The following LRCH3 variants were observed in gnomAD, a reference collection of about 807,000 sequenced individuals.
LRCH3 encodes DISP complex protein LRCH3.
A neutral mutation model predicts 104.5 loss-of-function variants in LRCH3; 68 were observed. That is an observed-to-expected ratio of 0.65 (90% confidence interval 0.54 to 0.80). LRCH3 has a LOEUF of 0.80. LRCH3 is among the 30% of genes least tolerant of loss of function. The pLI, the probability that LRCH3 is intolerant of heterozygous loss-of-function variation, is 0.00. For synonymous variants in LRCH3, 344 were observed against 361.3 expected, an observed-to-expected ratio of 0.95 and a Z score of 0.54; for missense variants, 951 against 953.9, an observed-to-expected ratio of 1.00 and a Z score of 0.04.
chr3:197,881,511 T>G (rs1713771434), intron 20 of LRCH3: 1 of 985,328 alleles, frequency 1.0e-6, no homozygotes. Context: ...CTGTTTAAAT[T>G]TGGAATTTAT....
rs181749354 is a variant in LRCH3, at chr3:197,831,974, G to A, written c.982-223G>A. On this transcript the variant is annotated intron_variant, in intron 7 of 20. Coordinates refer to ENST00000425562, the MANE Select transcript of LRCH3 (RefSeq NM_001365715.1). ...TTGTCGCACAGGCTGGAGTGCAGTGGTGGAATCCTGTCTCATTGCAGCCTC... is the reference window on the plus strand; with the variant it reads ...TTGTCGCACAGGCTGGAGTGCAGTGATGGAATCCTGTCTCATTGCAGCCTC... 1.7e-3 allele frequency among the ~76,000 whole-genome samples: 255 copies of A among 152,170 alleles called. 1 individual carries two copies. In the Middle Eastern group the frequency reaches 0.024, roughly 14 times the overall value.
At position 197,880,942 on chromosome 3, in the gene LRCH3, G is replaced by A. The variant is rs375288905; in HGVS notation, c.2209-2599G>A. 5.0e-6 allele frequency: 7 copies of A among 1,392,954 alleles called. No individual in the cohort carries two copies. In the East Asian group the frequency reaches 1.3e-4, roughly 27 times the overall value. 86.3% of individuals were successfully genotyped at this position (1,392,954 alleles called of 1,614,324 possible). On this transcript the variant is annotated intron_variant, in intron 20 of 20. Coordinates refer to ENST00000425562, the MANE Select transcript of LRCH3 (RefSeq NM_001365715.1). ...GTAAAAGACCAGCATTTTTTCTCCT[G>A]GTCATCCGTCCATTCTCCTGGCCTG...
intron 1 of LRCH3, among the ~76,000 whole-genome samples, chr3:197,799,780 A>G (rs1038301711): frequency 1.1e-4 from 16 of 152,150 alleles, no homozygotes; most frequent in Admixed American, 1.0e-3. Context: ...AGGCTGAGGC[A>G]GGGGAATTGC....
chr3:197,860,955 T>A (rs971046406), intron 15 of LRCH3, among the ~76,000 whole-genome samples: 2 of 151,546 alleles, frequency 1.3e-5, no homozygotes, highest in Non-Finnish European at 2.9e-5. Flanking sequence ...TGTGCTTTTT[T>A]AAATGCTGAC....
At chr3:197,811,804 GTT>G (rs907758597) in intron 1 of LRCH3, among the ~76,000 whole-genome samples, 1 of 152,164 alleles carries the variant, frequency 6.6e-6, no homozygotes, top group African/African-American at 2.4e-5. Context: ...GCCAGTCTCT[GTT>G]ACACAGTTGT....
chr3:197,812,561 G>A (rs796779440), intron 1 of LRCH3, among the ~76,000 whole-genome samples: 7 of 120,780 alleles, frequency 5.8e-5, no homozygotes, highest in African/African-American at 2.2e-4. Context: ...GCCCAAGCTG[G>A]AGTGTAGTGG....
At chr3:197,860,532 C>T (rs956887386) in intron 15 of LRCH3, among the ~76,000 whole-genome samples, 7 of 152,046 alleles carry the variant, frequency 4.6e-5, no homozygotes, top group Middle Eastern at 3.2e-3. Context: ...CACCACTGTA[C>T]CCCAGCCTGG....
rs1733815168 is a variant in LRCH3, at chr3:197,816,475, T to TA, written c.408-701_408-700insA. 2.0e-5 allele frequency among the ~76,000 whole-genome samples: 3 copies of TA among 152,214 alleles called. No individual in the cohort carries two copies. In the South Asian group the frequency reaches 6.2e-4, roughly 31 times the overall value. Reference sequence around the variant, plus strand: ...TTGTATTTTTAGTAGAGACGGGGTTTCGCCATGTTGGCCAGGCTGGTCTCG... The same window carrying TA: ...TTGTATTTTTAGTAGAGACGGGGTTTACGCCATGTTGGCCAGGCTGGTCTCG... On this transcript the variant is annotated intron_variant, in intron 2 of 20. Transcript: ENST00000425562.
At chr3:197,870,544 T>G (rs1277548484) in intron 18 of LRCH3, among the ~76,000 whole-genome samples, 2 of 152,104 alleles carry the variant, frequency 1.3e-5, no homozygotes, top group African/African-American at 4.8e-5. Flanking sequence ...TTTTGTATTT[T>G]TAGTAGAGAA....
Position 197,866,982 on chromosome 3 carries a change from A to C in LRCH3, c.1873+763A>C, listed in dbSNP as rs550810153. Among the ~76,000 whole-genome samples the C allele has an allele frequency of 2.0e-5, 3 of 152,350 alleles. No individual in the cohort carries two copies. In the East Asian group the frequency reaches 5.8e-4, roughly 29 times the overall value. On this transcript the variant is annotated intron_variant, in intron 17 of 20. Coordinates refer to ENST00000425562, the MANE Select transcript of LRCH3 (RefSeq NM_001365715.1). ...TGGTGAAACCCTGTCTCTATTAAAA[A>C]TACAAAAAATGGCTGGGCACGGTGG...
intron 1 of LRCH3, among the ~76,000 whole-genome samples, chr3:197,792,716 A>G (rs1194647164): frequency 7.0e-6 from 1 of 143,054 alleles, no homozygotes; most frequent in Non-Finnish European, 1.5e-5. Flanking sequence ...GAATGACACA[A>G]TCTCTGCTCA....
chr3:197,799,733 TG>T (rs753655054), intron 1 of LRCH3, among the ~76,000 whole-genome samples: 1 of 152,044 alleles, frequency 6.6e-6, no homozygotes, highest in Non-Finnish European at 1.5e-5. Context: ...CTGGCTGTGG[TG>T]GCACGCGCCT....
rs113503281 is a variant in LRCH3 at position 197,877,454 on chromosome 3, G to A, written c.2208+1679G>A. On this transcript the variant is annotated intron_variant, in intron 20 of 20. Coordinates refer to ENST00000425562, the MANE Select transcript of LRCH3 (RefSeq NM_001365715.1). ...CTTTACCCAACTCACCGCACCCATGGCAGTGATTCTCTTTACCCAACTCAC... is the reference window on the plus strand; with the variant it reads ...CTTTACCCAACTCACCGCACCCATGACAGTGATTCTCTTTACCCAACTCAC... Among the ~76,000 whole-genome samples, 337 of 39,908 alleles carry A rather than the reference G, an allele frequency of 8.4e-3. 1 individual carries two copies. Among genetic ancestry groups the A allele is most frequent in the African/African-American group, 0.037 (219 of 5,996 alleles). The allele number at this position is 39,908 out of a possible 152,430, so 26.2% of individuals were successfully genotyped here.
intron 5 of LRCH3, among the ~76,000 whole-genome samples, chr3:197,828,546 C>T (rs1164102355): frequency 2.6e-5 from 4 of 151,128 alleles, no homozygotes; most frequent in African/African-American, 4.9e-5. Context: ...GGGGTTTCAC[C>T]GTGTTAGCCA....
intron 14 of LRCH3, among the ~76,000 whole-genome samples, chr3:197,858,519 G>C (rs1740532587): frequency 6.6e-6 from 1 of 151,990 alleles, no homozygotes; most frequent in Non-Finnish European, 1.5e-5. Flanking sequence ...CTAGTTTCAA[G>C]GCTACTATGC....
intron 1 of LRCH3, among the ~76,000 whole-genome samples, chr3:197,797,553 C>G (rs1731363048): frequency 6.6e-6 from 1 of 151,950 alleles, no homozygotes; most frequent in Non-Finnish European, 1.5e-5. Flanking sequence ...TAGGCCTGTA[C>G]TAGAATTCAT....
chr3:197,868,497 A>G (rs1009723717), intron 17 of LRCH3, among the ~76,000 whole-genome samples: 1 of 152,340 alleles, frequency 6.6e-6, no homozygotes, highest in East Asian at 1.9e-4. Flanking sequence ...CCCTATGACC[A>G]GCAGTTTTAC....
chr3:197,816,656 CTTAG>C (rs374193879), intron 2 of LRCH3, among the ~76,000 whole-genome samples: 13 of 152,262 alleles, frequency 8.5e-5, no homozygotes, highest in Non-Finnish European at 1.6e-4. Context: ...TTACCTGTAA[CTTAG>C]TTGGTGTGAT....
At chr3:197,841,134 C>G (rs1255786205) in intron 10 of LRCH3, among the ~76,000 whole-genome samples, 1 of 152,192 alleles carries the variant, frequency 6.6e-6, no homozygotes, top group Non-Finnish European at 1.5e-5. Context: ...GGGCAGGCCC[C>G]GCTGGGTTCT....
Sources: allele counts gnomAD v4.1 joint callset (sites outside exome capture counted in the v4.1 genomes callset), GRCh38; gene constraint gnomAD v4.1.1; transcripts MANE v1.5; gene names NCBI Gene and HGNC (gene_info 2026-07-23, HGNC 2026-07-21).